PTPRK: variants seen among roughly 807,000 people sequenced by gnomAD.
The protein encoded by PTPRK is protein tyrosine phosphatase receptor type K.
PTPRK carries 75 observed loss-of-function variants against 178.0 expected under a neutral mutation model. The ratio of observed to expected loss-of-function variants is 0.42; its 90% CI spans 0.35 to 0.51. The LOEUF is 0.51. Among genes scored for constraint, PTPRK ranks in the 20% least tolerant of loss-of-function variants. The probability of loss-of-function intolerance (pLI) is 0.02; values close to 1 mark genes in which losing one functional copy is unlikely to be tolerated. For missense variants in PTPRK, 1,441 were observed against 1,797.8 expected (o/e 0.80, Z 3.59); for synonymous variants, 637 against 620.6 (o/e 1.03, Z -0.39).
intron 1 of PTPRK, among the ~76,000 whole-genome samples, chr6:128,488,997 CA>C (rs1311436461): frequency 6.6e-6 from 1 of 151,692 alleles, no homozygotes; most frequent in Non-Finnish European, 1.5e-5. Context: ...AAAACTCTAC[CA>C]TATATTAAAA....
At chr6:128,415,173 CACAG>C (rs991354867) in intron 1 of PTPRK, among the ~76,000 whole-genome samples, 1 of 152,176 alleles carries the variant, frequency 6.6e-6, no homozygotes, top group Non-Finnish European at 1.5e-5. Flanking sequence ...TGGCAGAAAA[CACAG>C]ACAGTCAAGA....
At chr6:128,450,119 C>CAAAAA (rs546499574) in intron 1 of PTPRK, among the ~76,000 whole-genome samples, 22 of 90,622 alleles carry the variant, frequency 2.4e-4, no homozygotes, top group African/African-American at 4.6e-4. Context: ...CGCATCTCAA[C>CAAAAA]AAAAAAAAAA....
chr6:128,503,212 C>T (rs539102756), intron 1 of PTPRK, among the ~76,000 whole-genome samples: 1 of 152,092 alleles, frequency 6.6e-6, no homozygotes, highest in Non-Finnish European at 1.5e-5. Context: ...GGCAACAGAG[C>T]GAGACTCCAT....
chr6:128,001,083 C>T, intron 15 of PTPRK: 1 of 749,824 alleles, frequency 1.3e-6, no homozygotes, highest in Non-Finnish European at 2.1e-6. Flanking sequence ...AATAATGTGA[C>T]TAGTAGTGAG....
intron 3 of PTPRK, among the ~76,000 whole-genome samples, chr6:128,282,027 G>T (rs966970026): frequency 3.3e-5 from 5 of 152,140 alleles, no homozygotes; most frequent in African/African-American, 4.8e-5. Context: ...GATTAGCAAA[G>T]AACTGATTCT....
At chr6:128,331,785 C>G (rs1830313778) in intron 2 of PTPRK, among the ~76,000 whole-genome samples, 1 of 151,726 alleles carries the variant, frequency 6.6e-6, no homozygotes, top group Non-Finnish European at 1.5e-5. Flanking sequence ...ACTGAATTTG[C>G]ATCTTTGCAG....
chr6:127,981,242 T>C lies in PTPRK; in HGVS notation c.3585A>G (p.Ile1195Met). Residue 1195 changes from isoleucine to methionine, a missense_variant, in exon 25 of 30, where the codon ATA becomes ATG. Transcript: ENST00000368226. ...TGTCATGGTTCCTTGGCAGGCACGCTATACTGCAGTCTTCAGCTTGTAGTC... is the reference window on the plus strand; with the variant it reads ...TGTCATGGTTCCTTGGCAGGCACGCCATACTGCAGTCTTCAGCTTGTAGTC... ...TPRLQAEDCS[I>M]ACLPRNHDKN... 6.2e-7 allele frequency: 1 copy of C among 1,613,948 alleles called. No homozygotes were observed. Among genetic ancestry groups the C allele is most frequent in the South Asian group, 1.1e-5 (1 of 91,088 alleles).
chr6:128,355,796 T>TA (rs975803303), intron 2 of PTPRK, among the ~76,000 whole-genome samples: 4 of 152,006 alleles, frequency 2.6e-5, no homozygotes, highest in African/African-American at 7.2e-5. Context: ...TAAAGTACAA[T>TA]AAAAAAAGTA....
intron 2 of PTPRK, among the ~76,000 whole-genome samples, chr6:128,345,932 A>G (rs969575883): frequency 2.0e-5 from 3 of 152,176 alleles, no homozygotes; most frequent in Admixed American, 6.5e-5. Flanking sequence ...CTACAAAGGA[A>G]AGTGGTAGGT....
At chr6:127,985,249 T>C (rs1775812678) in intron 22 of PTPRK, among the ~76,000 whole-genome samples, 2 of 152,184 alleles carry the variant, frequency 1.3e-5, no homozygotes, top group Admixed American at 6.5e-5. Context: ...GGTCCTCTAA[T>C]GTGAATTCTT....
At chr6:128,435,578 T>A (rs1845483515) in intron 1 of PTPRK, among the ~76,000 whole-genome samples, 1 of 152,176 alleles carries the variant, frequency 6.6e-6, no homozygotes, top group African/African-American at 2.4e-5. Context: ...GGTCAGCTGA[T>A]GAAAGGAGAA....
intron 1 of PTPRK, among the ~76,000 whole-genome samples, chr6:128,489,848 T>G (rs781528452): frequency 4.6e-5 from 7 of 152,224 alleles, no homozygotes; most frequent in Admixed American, 1.3e-4. Flanking sequence ...TAGATATGTA[T>G]GCAGTATAAT....
intron 25 of PTPRK, among the ~76,000 whole-genome samples, chr6:127,979,959 A>G (rs898953044): frequency 1.3e-5 from 2 of 152,202 alleles, no homozygotes; most frequent in East Asian, 3.9e-4. Context: ...TGGGCGGATC[A>G]TGAGGTCAGG....
At chr6:127,999,951 T>C (rs758852380) in intron 15 of PTPRK, 5 of 913,278 alleles carry the variant, frequency 5.5e-6, no homozygotes, top group Non-Finnish European at 6.5e-6. Context: ...ATTCTTTTTC[T>C]GTCATAAGAA....
intron 3 of PTPRK, among the ~76,000 whole-genome samples, chr6:128,273,714 C>T (rs1820265921): frequency 6.6e-6 from 1 of 152,114 alleles, no homozygotes; most frequent in Non-Finnish European, 1.5e-5. Context: ...AGGGTTATCT[C>T]CATTGAGTAC....
chr6:128,418,347 G>A (rs1270737302), intron 1 of PTPRK, among the ~76,000 whole-genome samples: 1 of 152,200 alleles, frequency 6.6e-6, no homozygotes, highest in Non-Finnish European at 1.5e-5. Context: ...TCATGGACTG[G>A]TACATGTCTG....
intron 12 of PTPRK, among the ~76,000 whole-genome samples, chr6:128,066,506 T>C (rs1478015254): frequency 2.0e-5 from 1 of 49,344 alleles, no homozygotes; most frequent in African/African-American, 4.2e-5. Flanking sequence ...CCAATTAAAC[T>C]CTTTAAGATA....
intron 7 of PTPRK, among the ~76,000 whole-genome samples, chr6:128,144,118 C>G (rs963198704): frequency 1.5e-4 from 23 of 152,128 alleles, no homozygotes; most frequent in Non-Finnish European, 2.6e-4. Context: ...CTAAGTGAAC[C>G]AAGGTCTTCT....
intron 8 of PTPRK, 82 bp downstream of exon 8, chr6:128,089,608 A>C: frequency 7.4e-7 from 1 of 1,351,502 alleles, no homozygotes; most frequent in Non-Finnish European, 1.0e-6. Flanking sequence ...TCAGTATTGG[A>C]CAATCTTAGG....
Sources: gnomAD v4.1 joint callset for allele counts (sites outside exome capture counted in the v4.1 genomes callset) on GRCh38, gnomAD v4.1.1 for gene constraint, MANE v1.5 for transcripts, NCBI Gene and HGNC (gene_info 2026-07-23, HGNC 2026-07-21) for gene names.